Variants in MMP16 observed in about 807,000 individuals in gnomAD.
MMP16 encodes matrix metalloproteinase-16.
A neutral mutation model predicts 67.8 loss-of-function variants in MMP16; 12 were observed. That is an observed-to-expected ratio of 0.18 (90% confidence interval 0.11 to 0.29). The LOEUF is 0.29. Ranked by LOEUF, MMP16 falls within the 10% of genes least tolerant of loss-of-function variation. The pLI is 1.00. For synonymous variants in MMP16, 249 were observed against 255.9 expected (o/e 0.97, Z 0.26); for missense variants, 475 against 765.7 (o/e 0.62, Z 4.48).
chr8:88,313,706 A>G (rs1300378273), intron 1 of MMP16, among the ~76,000 whole-genome samples: 5 of 152,166 alleles, frequency 3.3e-5, no homozygotes, highest in Admixed American at 3.3e-4. Context: ...CACTGCTGAT[A>G]AAGACATACC....
chr8:88,072,984 C>T (rs1808586308), intron 7 of MMP16, among the ~76,000 whole-genome samples: 1 of 152,190 alleles, frequency 6.6e-6, no homozygotes, highest in African/African-American at 2.4e-5. Flanking sequence ...GGCCCCGAGG[C>T]CATAAAGAGC....
intron 3 of MMP16, among the ~76,000 whole-genome samples, chr8:88,173,923 T>G (rs1808844584): frequency 6.6e-6 from 1 of 152,240 alleles, no homozygotes; most frequent in African/African-American, 2.4e-5. Context: ...TGGGTTCTGC[T>G]TTTTCAGTCT....
At position 88,046,855 on chromosome 8, in the gene MMP16, A is replaced by G. The variant is rs1808205612; in HGVS notation, c.1374-71T>C. 2.5e-5 allele frequency: 23 copies of G among 932,234 alleles called. No homozygotes were observed. In the South Asian group the frequency reaches 2.7e-4, roughly 11 times the overall value. 57.7% of individuals were successfully genotyped at this position (932,234 alleles called of 1,614,324 possible). ...TAGGGAAAGATTATGCATACAAACA[A>G]TAATAGCTGACATTTATTAGACCTT... On this transcript the variant is annotated intron_variant, in intron 8 of 9. Transcript: ENST00000286614.
At chr8:88,249,837 T>G (rs911614885) in intron 1 of MMP16, among the ~76,000 whole-genome samples, 2 of 152,052 alleles carry the variant, frequency 1.3e-5, no homozygotes, top group African/African-American at 4.8e-5. Flanking sequence ...TGTGTCCAAC[T>G]AGGTGTTTCT....
chr8:88,120,534 G>A (rs1205617208), intron 4 of MMP16, among the ~76,000 whole-genome samples: 1 of 151,876 alleles, frequency 6.6e-6, no homozygotes, highest in Non-Finnish European at 1.5e-5. Flanking sequence ...AATTTTGGCT[G>A]GAGTATGCTA....
rs140571382 is a variant in MMP16, at chr8:88,099,641, G to A, written c.1083+16866C>T. Among the ~76,000 whole-genome samples the A allele has an allele frequency of 9.7e-4, 147 of 151,648 alleles. 1 individual carries two copies. Among genetic ancestry groups the A allele is most frequent in the South Asian group, 4.1e-3 (20 of 4,822 alleles). ...AAAACAGTCTGGATCTAAAAGCCAC[G>A]TATCCTGACTTTTAGTCCAGATTTT... On this transcript the variant is annotated intron_variant, in intron 6 of 9. Transcript: ENST00000286614.
intron 1 of MMP16, among the ~76,000 whole-genome samples, chr8:88,228,359 A>C (rs988527506): frequency 3.9e-5 from 6 of 152,114 alleles, no homozygotes; most frequent in African/African-American, 1.2e-4. Flanking sequence ...ATAACTGCAG[A>C]ACGATTAAAA....
chr8:88,289,531 G>A (rs1017534280), intron 1 of MMP16, among the ~76,000 whole-genome samples: 9 of 152,072 alleles, frequency 5.9e-5, no homozygotes, highest in East Asian at 1.9e-4. Context: ...ACACATACAC[G>A]CACACAAAGC....
chr8:88,223,609 G>GTTGT (rs1809720910), intron 1 of MMP16, among the ~76,000 whole-genome samples: 1 of 147,916 alleles, frequency 6.8e-6, no homozygotes, highest in Non-Finnish European at 1.5e-5. Flanking sequence ...ACCAAACACT[G>GTTGT]CATGTTGTCA....
intron 4 of MMP16, among the ~76,000 whole-genome samples, chr8:88,150,809 G>A (rs1453196081): frequency 6.6e-6 from 1 of 151,068 alleles, no homozygotes; most frequent in South Asian, 2.1e-4. Context: ...ATCAACTAAC[G>A]AGCAAAATCA....
chr8:88,320,161 T>G (rs991647673), intron 1 of MMP16, among the ~76,000 whole-genome samples: 3 of 152,286 alleles, frequency 2.0e-5, no homozygotes, highest in Admixed American at 1.3e-4. Flanking sequence ...GATCGTTTTT[T>G]ACATATTTTT....
intron 1 of MMP16, among the ~76,000 whole-genome samples, chr8:88,263,234 T>C (rs972756741): frequency 4.0e-5 from 6 of 151,874 alleles, no homozygotes; most frequent in African/African-American, 1.5e-4. Flanking sequence ...AACATAAAGA[T>C]GCAATTTCCT....
chr8:88,215,282 A>T (rs920526789), intron 1 of MMP16, among the ~76,000 whole-genome samples: 5 of 151,988 alleles, frequency 3.3e-5, no homozygotes, highest in African/African-American at 7.3e-5. Context: ...GTGAGCTGAG[A>T]TCGCACTCCA....
rs542842514 is a variant in MMP16, at chr8:88,320,705, A to C, written c.132+6370T>G. ...TGATTGCACCTAGTATCTGTCCTTG[A>C]TTTTAAACCAAGTTCTTCCAAGCCA... is the stretch of plus-strand genomic sequence containing the variant. On this transcript the variant is annotated intron_variant, in intron 1 of 9. Transcript: ENST00000286614. 5.3e-5 allele frequency among the ~76,000 whole-genome samples: 8 copies of C among 152,180 alleles called. No homozygotes were observed. The South Asian group carries it at 1.0e-3, about 20-fold the overall frequency.
At chr8:88,220,130 A>G (rs1563565928) in intron 1 of MMP16, among the ~76,000 whole-genome samples, 1 of 152,092 alleles carries the variant, frequency 6.6e-6, no homozygotes, top group Non-Finnish European at 1.5e-5. Context: ...AGCTTTTAAT[A>G]TATAGAAATT....
intron 4 of MMP16, among the ~76,000 whole-genome samples, chr8:88,162,125 T>C (rs1472405740): frequency 6.6e-6 from 1 of 152,080 alleles, no homozygotes; most frequent in Non-Finnish European, 1.5e-5. Context: ...GACATATTTT[T>C]GTGAATGTGA....
In MMP16 at chr8:88,116,496, C is replaced by A; in HGVS notation, c.1083+11G>T. On this transcript the variant is annotated intron_variant, in intron 6 of 9. Coordinates refer to ENST00000286614, the MANE Select transcript of MMP16 (RefSeq NM_005941.5). The stretch of plus-strand genomic sequence containing the variant: ...TCTACTGTTAAAAAAAAAAAAATCA[C>A]AGTCTCCTACCTTGAAAACAAACAT... The A allele has an allele frequency of 6.2e-7, 1 of 1,600,098 alleles. No individual in the cohort carries two copies. Among genetic ancestry groups the A allele is most frequent in the Non-Finnish European group, 8.5e-7 (1 of 1,171,690 alleles).
chr8:88,316,930 T>A (rs1586017045), intron 1 of MMP16, among the ~76,000 whole-genome samples: 2 of 152,092 alleles, frequency 1.3e-5, no homozygotes, highest in African/African-American at 4.8e-5. Flanking sequence ...TTTATTCCAA[T>A]CCCTGTCGAT....
At chr8:88,219,136 A>T (rs1809638987) in intron 1 of MMP16, among the ~76,000 whole-genome samples, 1 of 151,990 alleles carries the variant, frequency 6.6e-6, no homozygotes. Context: ...TAAGAGCCAC[A>T]GTGGGAAATA....
Sources: gnomAD v4.1 joint callset for allele counts (sites outside exome capture counted in the v4.1 genomes callset) on GRCh38, gnomAD v4.1.1 for gene constraint, MANE v1.5 for transcripts, NCBI Gene and HGNC (gene_info 2026-07-23, HGNC 2026-07-21) for gene names.